The following AOAH variants were observed in gnomAD, a reference collection of about 807,000 sequenced individuals.
AOAH encodes acyloxyacyl hydrolase.
AOAH carries 64 observed loss-of-function variants against 92.2 expected under a neutral mutation model. The ratio of observed to expected loss-of-function variants is 0.69; its 90% confidence interval spans 0.57 to 0.86. AOAH has a LOEUF of 0.86. Ranked by LOEUF, AOAH falls within the 40% of genes least tolerant of loss-of-function variation. The probability of loss-of-function intolerance (pLI) is 0.00; values close to 1 mark genes in which losing one functional copy is unlikely to be tolerated. For synonymous variants in AOAH, 263 were observed against 254.5 expected (o/e 1.03, Z -0.32); for missense variants, 656 against 694.6 (o/e 0.94, Z 0.62).
In AOAH at chr7:36,686,912, A is replaced by G. The variant is rs1797062842; in HGVS notation, c.128-118T>C. The G allele has an allele frequency of 1.2e-5, 6 of 512,042 alleles. No individual in the cohort carries two copies. In the South Asian group the frequency reaches 2.6e-4, roughly 22 times the overall value. 31.7% of individuals were successfully genotyped at this position (512,042 alleles called of 1,614,324 possible). On this transcript the variant is annotated intron_variant, in intron 1 of 20. Coordinates refer to ENST00000617537, the MANE Select transcript of AOAH (RefSeq NM_001637.4). ...TGTGTGTGTGTCCTTAAGAAGGCCA[A>G]CCTTTCCAAAACAGAGAAAGTGATG...
At chr7:36,517,214 C>CTTTCTTTCTTTCTTTCTTTCTT (rs59205788) in intron 20 of AOAH, among the ~76,000 whole-genome samples, 4 of 104,824 alleles carry the variant, frequency 3.8e-5, no homozygotes, top group African/African-American at 4.0e-5. Context: ...TTCTTTCTTT[C>CTTTCTTTCTTTCTTTCTTTCTT]TCTTTCTTTC....
intron 1 of AOAH, among the ~76,000 whole-genome samples, chr7:36,707,608 G>A (rs546960213): frequency 1.9e-4 from 29 of 152,216 alleles, no homozygotes; most frequent in East Asian, 1.7e-3. Flanking sequence ...GAAGTGCTGC[G>A]TGTCATTTTA....
chr7:36,535,741 C>A (rs1785016869), intron 16 of AOAH, among the ~76,000 whole-genome samples: 1 of 78,428 alleles, frequency 1.3e-5, no homozygotes, highest in African/African-American at 5.4e-5. Flanking sequence ...TTTTTTCCCT[C>A]TCATTTGAGG....
chr7:36,625,436 G>C (rs1280902685), intron 6 of AOAH, among the ~76,000 whole-genome samples: 1 of 152,118 alleles, frequency 6.6e-6, no homozygotes, highest in Admixed American at 6.5e-5. Flanking sequence ...AGGGTTTATT[G>C]GGAGGATTAA....
intron 11 of AOAH, chr7:36,594,780 C>T: frequency 6.1e-6 from 2 of 325,718 alleles, no homozygotes; most frequent in Non-Finnish European, 1.2e-5. Context: ...GAAAGTCAAT[C>T]ATCTGAAAAG....
At chr7:36,517,503 A>G (rs1370009120) in intron 20 of AOAH, among the ~76,000 whole-genome samples, 2 of 151,868 alleles carry the variant, frequency 1.3e-5, no homozygotes, top group Non-Finnish European at 2.9e-5. Flanking sequence ...AAACCCACTT[A>G]AGCAAAAAGA....
At chr7:36,719,721 A>G (rs1409570101) in intron 1 of AOAH, among the ~76,000 whole-genome samples, 1 of 152,092 alleles carries the variant, frequency 6.6e-6, no homozygotes, top group Non-Finnish European at 1.5e-5. Context: ...GCTTGGGCCC[A>G]GAAGTTTGAG....
intron 1 of AOAH, among the ~76,000 whole-genome samples, chr7:36,696,893 T>A (rs1204334136): frequency 2.0e-5 from 3 of 152,010 alleles, no homozygotes; most frequent in Admixed American, 6.6e-5. Flanking sequence ...TTTTTGTATA[T>A]CAATTTTGAA....
intron 15 of AOAH, among the ~76,000 whole-genome samples, chr7:36,543,129 G>A (rs191739319): frequency 8.5e-5 from 13 of 152,184 alleles, no homozygotes; most frequent in Non-Finnish European, 1.8e-4. Context: ...AGAACTGCAT[G>A]CTAATTTCAT....
At chr7:36,601,279 G>T (rs563221821) in intron 11 of AOAH, among the ~76,000 whole-genome samples, 1 of 152,324 alleles carries the variant, frequency 6.6e-6, no homozygotes, top group African/African-American at 2.4e-5. Context: ...AATCTCCCGT[G>T]TGTGAGATGA....
chr7:36,525,419 T>G (rs945761751), intron 19 of AOAH, among the ~76,000 whole-genome samples: 1 of 152,246 alleles, frequency 6.6e-6, no homozygotes, highest in African/African-American at 2.4e-5. Context: ...TGATTCAATT[T>G]TGGCATCTAG....
chr7:36,624,451 C>T (rs1443182233), intron 6 of AOAH, among the ~76,000 whole-genome samples: 2 of 152,204 alleles, frequency 1.3e-5, no homozygotes, highest in Admixed American at 1.3e-4. Flanking sequence ...TGGGATGGGA[C>T]AGAAGTTCAG....
intron 1 of AOAH, among the ~76,000 whole-genome samples, chr7:36,689,650 T>C (rs1188416217): frequency 6.6e-6 from 1 of 152,156 alleles, no homozygotes; most frequent in East Asian, 1.9e-4. Context: ...GATGTGATTT[T>C]GGAGAGACCA....
rs6947972 is a variant in AOAH, at chr7:36,633,935, C to T, written c.451-1829G>A. 6.2e-3 allele frequency among the ~76,000 whole-genome samples: 949 copies of T among 152,254 alleles called. 13 individuals carry two copies. The highest frequency in any genetic ancestry group is 0.021 in the African/African-American group (888 of 41,556). On this transcript the variant is annotated intron_variant, in intron 5 of 20. Coordinates refer to ENST00000617537, the MANE Select transcript of AOAH (RefSeq NM_001637.4). ...CTCTGGCCTGTGACCCCCAGATGCC[C>T]GCCGCACAAATCTGCCTCCAGACAT...
chr7:36,695,383 G>A (rs1021801388), intron 1 of AOAH, among the ~76,000 whole-genome samples: 1 of 152,176 alleles, frequency 6.6e-6, no homozygotes, highest in African/African-American at 2.4e-5. Flanking sequence ...AATACTTTTT[G>A]GAACAACATG....
intron 13 of AOAH, among the ~76,000 whole-genome samples, chr7:36,574,338 G>C (rs556799716): frequency 1.3e-5 from 2 of 152,242 alleles, no homozygotes; most frequent in Admixed American, 6.5e-5. Context: ...ACACGATTAG[G>C]CTCTCTTCCT....
At chr7:36,717,348 G>A (rs1218978931) in intron 1 of AOAH, among the ~76,000 whole-genome samples, 1 of 152,126 alleles carries the variant, frequency 6.6e-6, no homozygotes, top group Non-Finnish European at 1.5e-5. Flanking sequence ...GAGCCTGGCA[G>A]CCATCTCTGT....
intron 4 of AOAH, among the ~76,000 whole-genome samples, chr7:36,656,641 A>G (rs911808711): frequency 3.3e-5 from 5 of 152,076 alleles, no homozygotes; most frequent in Admixed American, 3.3e-4. Flanking sequence ...TAACTCTGCC[A>G]CATATCACCT....
intron 19 of AOAH, among the ~76,000 whole-genome samples, chr7:36,526,672 A>G (rs1164674787): frequency 6.6e-6 from 1 of 152,330 alleles, no homozygotes; most frequent in East Asian, 1.9e-4. Context: ...TTTGGAGCAT[A>G]ATGTATTTTG....
Sources: gnomAD v4.1 joint callset for allele counts (sites outside exome capture counted in the v4.1 genomes callset) on GRCh38, gnomAD v4.1.1 for gene constraint, MANE v1.5 for transcripts, NCBI Gene and HGNC (gene_info 2026-07-23, HGNC 2026-07-21) for gene names.